B3GALT1: variants seen among roughly 807,000 people sequenced by gnomAD.
B3GALT1 encodes UDP-Gal:betaGlcNAc beta 1,3-galactosyltransferase, polypeptide 1.
A neutral mutation model predicts 23.2 loss-of-function variants in B3GALT1; 10 were observed. The ratio of observed to expected loss-of-function variants is 0.43; its 90% CI spans 0.27 to 0.73. The LOEUF (loss-of-function observed/expected upper bound fraction) is 0.73. Ranked by LOEUF, B3GALT1 falls within the 30% of genes least tolerant of loss-of-function variation. The probability of loss-of-function intolerance (pLI) is 0.21; values close to 1 mark genes in which losing one functional copy is unlikely to be tolerated. For synonymous variants in B3GALT1, 156 were observed against 141.5 expected (o/e 1.10, Z -0.73); for missense variants, 299 against 405.4 (o/e 0.74, Z 2.25).
At chr2:167,406,694 A>T (rs1236673798) in intron 1 of B3GALT1, among the ~76,000 whole-genome samples, 2 of 152,192 alleles carry the variant, frequency 1.3e-5, no homozygotes, top group South Asian at 2.1e-4. Flanking sequence ...GAGACAAAGG[A>T]GGGGGCAGGA....
rs548060016 is a variant in B3GALT1 at position 167,748,518 on chromosome 2, G to A, written c.-351-70154G>A. Among the ~76,000 whole-genome samples, 4 of 152,274 alleles carry A rather than the reference G, an allele frequency of 2.6e-5. No homozygotes were observed. The South Asian group carries it at 6.2e-4, about 24-fold the overall frequency. ...TTGTCATGGTAAAGTAGGGTTGGGG[G>A]TTGAGAGATCTCACAGTCCTGTAGG... On this transcript the variant is annotated intron_variant, in intron 3 of 4. Coordinates refer to ENST00000392690, the MANE Select transcript of B3GALT1 (RefSeq NM_020981.4).
At chr2:167,832,601 G>A (rs67736197) in intron 4 of B3GALT1, among the ~76,000 whole-genome samples, 6,332 of 152,238 alleles carry the variant, frequency 0.042, 150 homozygotes, top group South Asian at 0.07. Flanking sequence ...TAAAGCAAAG[G>A]CATTTGCATA....
intron 2 of B3GALT1, among the ~76,000 whole-genome samples, chr2:167,548,570 A>G (rs1046068762): frequency 1.3e-5 from 2 of 152,096 alleles, no homozygotes; most frequent in Non-Finnish European, 2.9e-5. Flanking sequence ...TTTAGCAGCC[A>G]TCGTGGACAA....
chr2:167,594,777 G>A (rs1351180850), intron 2 of B3GALT1, among the ~76,000 whole-genome samples: 1 of 152,084 alleles, frequency 6.6e-6, no homozygotes, highest in Non-Finnish European at 1.5e-5. Flanking sequence ...GCGGTGGCAG[G>A]TGCCTGTAAT....
chr2:167,784,634 G>C (rs1688311716), intron 3 of B3GALT1, among the ~76,000 whole-genome samples: 1 of 152,098 alleles, frequency 6.6e-6, no homozygotes, highest in Non-Finnish European at 1.5e-5. Context: ...ACAATTAGGG[G>C]GTTATTAAGC....
rs539526451 is a variant in B3GALT1 at position 167,582,323 on chromosome 2, C to T, written c.-409-64586C>T. Among the ~76,000 whole-genome samples, 5 of 152,274 alleles carry T rather than the reference C, an allele frequency of 3.3e-5. No homozygotes were observed. In the East Asian group the frequency reaches 5.8e-4, roughly 18 times the overall value. On this transcript the variant is annotated intron_variant, in intron 2 of 4. Transcript: ENST00000392690. ...GTCTGCCTTGGGTTTCCAGACTTGG[C>T]GTGCAGTTGTTTTAACAATAGTAAT...
intron 1 of B3GALT1, among the ~76,000 whole-genome samples, chr2:167,459,333 C>T (rs962730026): frequency 5.9e-5 from 9 of 152,094 alleles, no homozygotes; most frequent in African/African-American, 2.2e-4. Context: ...CCTAAAGTTA[C>T]AATATTATAA....
chr2:167,570,627 T>G (rs1325141264), intron 2 of B3GALT1, among the ~76,000 whole-genome samples: 2 of 152,008 alleles, frequency 1.3e-5, no homozygotes, highest in Non-Finnish European at 2.9e-5. Context: ...AGCTTTGTGC[T>G]TCTTACCAGT....
chr2:167,665,638 A>G (rs2105477249), intron 3 of B3GALT1, among the ~76,000 whole-genome samples: 1 of 152,092 alleles, frequency 6.6e-6, no homozygotes, highest in South Asian at 2.1e-4. Flanking sequence ...CCACAATTTC[A>G]GATCCTGTTA....
intron 2 of B3GALT1, among the ~76,000 whole-genome samples, chr2:167,645,043 A>G (rs1480895674): frequency 6.6e-6 from 1 of 152,184 alleles, no homozygotes; most frequent in Non-Finnish European, 1.5e-5. Flanking sequence ...GTACAGCACC[A>G]TAGAGAGTAC....
At chr2:167,386,108 C>T (rs1345358077) in intron 1 of B3GALT1, among the ~76,000 whole-genome samples, 1 of 152,156 alleles carries the variant, frequency 6.6e-6, no homozygotes, top group Admixed American at 6.5e-5. Flanking sequence ...CTTTTGCTAA[C>T]TGACATAGAC....
intron 3 of B3GALT1, among the ~76,000 whole-genome samples, chr2:167,701,399 C>G (rs1686880453): frequency 6.6e-6 from 1 of 152,016 alleles, no homozygotes; most frequent in African/African-American, 2.4e-5. Context: ...GGACAGAGAC[C>G]ACAGGCACTG....
At chr2:167,553,274 A>G (rs1451333669) in intron 2 of B3GALT1, among the ~76,000 whole-genome samples, 1 of 152,214 alleles carries the variant, frequency 6.6e-6, no homozygotes, top group Non-Finnish European at 1.5e-5. Flanking sequence ...ACATGAATAA[A>G]TAATAACAAT....
intron 2 of B3GALT1, among the ~76,000 whole-genome samples, chr2:167,538,514 G>T (rs976058473): frequency 2.0e-5 from 3 of 152,090 alleles, no homozygotes; most frequent in African/African-American, 7.2e-5. Context: ...TGTAAGTATT[G>T]TTTCACCTTT....
intron 3 of B3GALT1, among the ~76,000 whole-genome samples, chr2:167,748,248 A>G (rs907956783): frequency 9.2e-5 from 14 of 152,260 alleles, no homozygotes; most frequent in Admixed American, 9.2e-4. Flanking sequence ...AGCCATTGCT[A>G]TAAAGATTGG....
intron 3 of B3GALT1, among the ~76,000 whole-genome samples, chr2:167,707,106 A>T (rs899719824): frequency 2.0e-5 from 3 of 152,064 alleles, no homozygotes; most frequent in Non-Finnish European, 4.4e-5. Context: ...TTCCCAGCCC[A>T]CCTCCTGGTT....
chr2:167,665,883 A>C (rs1175942211), intron 3 of B3GALT1, among the ~76,000 whole-genome samples: 2 of 149,834 alleles, frequency 1.3e-5, no homozygotes, highest in Non-Finnish European at 2.9e-5. Context: ...CTAGTGGTCT[A>C]TCAATTTTGT....
At chr2:167,592,851 T>C (rs1684708109) in intron 2 of B3GALT1, among the ~76,000 whole-genome samples, 1 of 152,134 alleles carries the variant, frequency 6.6e-6, no homozygotes, top group South Asian at 2.1e-4. Context: ...TTCCTTAACT[T>C]ATGTATAGAG....
intron 2 of B3GALT1, among the ~76,000 whole-genome samples, chr2:167,620,868 G>A (rs1685243120): frequency 6.6e-6 from 1 of 151,760 alleles, no homozygotes; most frequent in Non-Finnish European, 1.5e-5. Flanking sequence ...AAAATGTCTT[G>A]TTCACCAACT....
Sources: gnomAD v4.1 joint callset for allele counts (sites outside exome capture counted in the v4.1 genomes callset) on GRCh38, gnomAD v4.1.1 for gene constraint, MANE v1.5 for transcripts, NCBI Gene and HGNC (gene_info 2026-07-23, HGNC 2026-07-21) for gene names.